The following NTRK1 variants were observed in gnomAD, a reference collection of about 807,000 sequenced individuals.
The protein encoded by NTRK1 is neurotrophic receptor tyrosine kinase 1.
NTRK1 carries 62 observed loss-of-function variants against 86.8 expected under a neutral mutation model. That is an observed-to-expected ratio of 0.71 (90% CI 0.58 to 0.88). The LOEUF is 0.88. Ranked by LOEUF, NTRK1 falls within the 40% of genes least tolerant of loss-of-function variation. The pLI, the probability that NTRK1 is intolerant of heterozygous loss-of-function variation, is 0.00. For missense variants in NTRK1, 967 were observed against 1,078.4 expected, an observed-to-expected ratio of 0.90 and a Z score of 1.45; for synonymous variants, 469 against 456.6, an observed-to-expected ratio of 1.03 and a Z score of -0.35.
chr1:156,842,479 GC>G, intron 2 of NTRK1: 1 of 1,614,026 alleles, frequency 6.2e-7, no homozygotes, highest in South Asian at 1.1e-5. Flanking sequence ...GAGTTGGCTG[GC>G]CCTGAGATAC....
chr1:156,843,418 C>T, intron 2 of NTRK1: 1 of 1,614,100 alleles, frequency 6.2e-7, no homozygotes, highest in Non-Finnish European at 8.5e-7. Context: ...CACCCACTCC[C>T]AGACCTACTA....
At chr1:156,867,983 A>T in intron 4 of NTRK1, 121 bp from the exon 5 acceptor site, 1 of 1,095,072 alleles carries the variant, frequency 9.1e-7, no homozygotes, top group East Asian at 2.4e-5. Flanking sequence ...AGAGAGAAAG[A>T]CCTCTGTGTC....
At chr1:156,859,652 T>G (rs987192791), upstream of NTRK1, among the ~76,000 whole-genome samples, 1 of 152,110 alleles carries the variant, frequency 6.6e-6, no homozygotes, top group Admixed American at 6.5e-5. The surrounding 1 kb of genome is among the most constrained non-coding windows in gnomAD (Gnocchi z 6.2). Context: ...GCGATCACTG[T>G]GTAGGGCTCT....
intron 1 of NTRK1, among the ~76,000 whole-genome samples, chr1:156,836,871 A>G (rs895394732): frequency 1.3e-5 from 2 of 152,194 alleles, no homozygotes; most frequent in African/African-American, 2.4e-5. Context: ...GGAGCTGGAC[A>G]AGCTATGCAA....
At chr1:156,868,387 A>T (rs911612962) in intron 5 of NTRK1, 118 bp from the exon 6 acceptor site, 2 of 1,534,340 alleles carry the variant, frequency 1.3e-6, no homozygotes, top group Non-Finnish European at 1.8e-6. Flanking sequence ...GCCTGGGGTG[A>T]CATCGCCTGG....
rs56179140 is a variant in NTRK1, at chr1:156,851,974, A to G, written c.50+9781A>G. 8.7e-4 allele frequency: 1,400 copies of G among 1,609,082 alleles called. 12 individuals are homozygous for G. In the African/African-American group the frequency reaches 0.016, roughly 18 times the overall value. On this transcript the variant is annotated intron_variant, in intron 2 of 16. Coordinates refer to the NTRK1 transcript ENST00000392302. ...CGAAGGTGGAGGCACGGCCGGGCAC[A>G]GAGTGCAGGCTGGCACAGCGCTCAG...
At chr1:156,843,259 G>C (rs772824260) in intron 2 of NTRK1, 13 of 1,606,678 alleles carry the variant, frequency 8.1e-6, no homozygotes, top group Non-Finnish European at 9.4e-6. Flanking sequence ...GGGTCACAAA[G>C]CGAGGATGCT....
At chr1:156,829,750 C>A (rs541613873) in intron 1 of NTRK1, among the ~76,000 whole-genome samples, 1 of 152,178 alleles carries the variant, frequency 6.6e-6, no homozygotes, top group Admixed American at 6.5e-5. Flanking sequence ...CTCCTGGGTT[C>A]TAAGGGATTC....
intron 1 of NTRK1, among the ~76,000 whole-genome samples, chr1:156,862,588 T>A (rs12729089): frequency 6.6e-6 from 1 of 152,124 alleles, no homozygotes; most frequent in East Asian, 1.9e-4. Flanking sequence ...CAGCCTGACA[T>A]CCCCCTCCCC....
rs1365167847 is a variant in NTRK1 at position 156,850,224 on chromosome 1, T to A, written c.50+8031T>A. On this transcript the variant is annotated intron_variant, in intron 2 of 16. Coordinates refer to the NTRK1 transcript ENST00000392302. ...GCCTGGTTGGTTATTTATTTATGTA[T>A]GTTTTGAGCTGGAGTCTCCCTCTGT... 2.0e-5 allele frequency among the ~76,000 whole-genome samples: 3 copies of A among 152,012 alleles called. No individual in the cohort carries two copies. In the East Asian group the frequency reaches 5.8e-4, roughly 29 times the overall value.
chr1:156,831,509 G>T (rs990316633), intron 1 of NTRK1, among the ~76,000 whole-genome samples: 8 of 152,186 alleles, frequency 5.3e-5, no homozygotes. Flanking sequence ...GGCAGTGCTT[G>T]GAGGGGGTGG....
At chr1:156,836,798 A>G (rs1654610599) in intron 1 of NTRK1, among the ~76,000 whole-genome samples, 1 of 148,264 alleles carries the variant, frequency 6.7e-6, no homozygotes, top group Non-Finnish European at 1.5e-5. Context: ...AATGAGGAGC[A>G]TATTTCACAG....
At chr1:156,841,258 G>T in intron 1 of NTRK1, 1 of 1,013,304 alleles carries the variant, frequency 9.9e-7, no homozygotes, top group Non-Finnish European at 1.5e-6. Flanking sequence ...GGGGGTTTGG[G>T]ATAGGGGGGT....
intron 1 of NTRK1, among the ~76,000 whole-genome samples, chr1:156,861,733 G>C (rs1323939006): frequency 6.6e-6 from 1 of 152,082 alleles, no homozygotes; most frequent in Non-Finnish European, 1.5e-5. Flanking sequence ...TCTGGGAAAT[G>C]GGACCCCCTC....
chr1:156,841,226 G>A, intron 1 of NTRK1: 1 of 980,192 alleles, frequency 1.0e-6, no homozygotes, highest in Non-Finnish European at 1.6e-6. Flanking sequence ...GGGAGGGTGA[G>A]AAGGGATTAA....
chr1:156,877,042 G>T (rs1647964310), intron 14 of NTRK1, among the ~76,000 whole-genome samples: 1 of 151,912 alleles, frequency 6.6e-6, no homozygotes, highest in African/African-American at 2.4e-5. Context: ...TTTAGAGTTG[G>T]GGTCTTGCTC....
At chr1:156,844,209 G>A in intron 2 of NTRK1, 1 of 1,614,012 alleles carries the variant, frequency 6.2e-7, no homozygotes, top group Admixed American at 1.7e-5. Context: ...AGGGCAGCAA[G>A]AACGATGAGC....
intron 4 of NTRK1, among the ~76,000 whole-genome samples, chr1:156,867,321 G>A (rs41347945): frequency 6.6e-6 from 1 of 152,290 alleles, no homozygotes; most frequent in South Asian, 2.1e-4. Flanking sequence ...GTACCTGGTG[G>A]GCACTTAAAG....
Position 156,854,201 on chromosome 1 carries a change from G to T in NTRK1, c.51-10153G>T, listed in dbSNP as rs1381346735. Reference sequence around the variant, plus strand: ...GAGGCCGCGGAAGTCCTCCCCGGTGGCTGTGAACATGAGCAGGATCTGCAG... The same window carrying T: ...GAGGCCGCGGAAGTCCTCCCCGGTGTCTGTGAACATGAGCAGGATCTGCAG... On this transcript the variant is annotated intron_variant, in intron 2 of 16. Transcript: ENST00000392302. This position sits in a 1 kb window ranked among gnomAD's most constrained non-coding sequence, Gnocchi z 4.2. The T allele has an allele frequency of 1.2e-6, 2 of 1,614,084 alleles. No individual in the cohort carries two copies. Among genetic ancestry groups the T allele is most frequent in the Non-Finnish European group, 8.5e-7 (1 of 1,180,032 alleles).
Sources: allele counts gnomAD v4.1 joint callset (sites outside exome capture counted in the v4.1 genomes callset), GRCh38; gene constraint gnomAD v4.1.1; non-coding constraint Gnocchi (gnomAD v3.1); transcripts MANE v1.5; gene names NCBI Gene and HGNC (gene_info 2026-07-23, HGNC 2026-07-21).